Variants in MED12L observed in about 807,000 individuals in gnomAD.
MED12L encodes mediator complex subunit 12L, also known as mediator of RNA polymerase II transcription subunit 12-like protein.
In MED12L, 60 loss-of-function variants were observed where a neutral mutation model predicts 281.3. That is an observed-to-expected ratio of 0.21 (90% confidence interval 0.17 to 0.26). The LOEUF is 0.26. Ranked by LOEUF, MED12L falls within the 10% of genes least tolerant of loss-of-function variation. The probability of loss-of-function intolerance (pLI) is 1.00; values close to 1 mark genes in which losing one functional copy is unlikely to be tolerated. For synonymous variants in MED12L, 974 were observed against 987.2 expected, an observed-to-expected ratio of 0.99 and a Z score of 0.25; for missense variants, 2,146 against 2,680.9, an observed-to-expected ratio of 0.80 and a Z score of 4.41.
intron 16 of MED12L, chr3:151,336,480 T>C (rs1182339580): frequency 4.4e-6 from 2 of 456,062 alleles, no homozygotes; most frequent in South Asian, 3.1e-5. Flanking sequence ...CAATACACCC[T>C]TTTATTTCTT....
chr3:151,426,191 G>T (rs181707712), intron 43 of MED12L, among the ~76,000 whole-genome samples: 92 of 152,254 alleles, frequency 6.0e-4, no homozygotes, highest in Middle Eastern at 3.4e-3. Context: ...AACCACTTGG[G>T]GGAGCCATTT....
intron 18 of MED12L, 136 bp from the exon 19 acceptor site, chr3:151,355,760 A>G (rs1753840864): frequency 1.4e-5 from 9 of 658,124 alleles, no homozygotes; most frequent in South Asian, 1.1e-4. Context: ...TATAGTTTCT[A>G]TAGAAACACG....
chr3:151,406,644 G>T (rs12492266), intron 39 of MED12L, among the ~76,000 whole-genome samples: 44,482 of 152,052 alleles, frequency 0.29, 7,478 homozygotes, highest in Non-Finnish European at 0.38. Flanking sequence ...GGTGGAAAAT[G>T]TTAGGGTGTG....
chr3:151,296,290 C>T (rs1048400526), intron 16 of MED12L, among the ~76,000 whole-genome samples: 1 of 152,166 alleles, frequency 6.6e-6, no homozygotes, highest in Non-Finnish European at 1.5e-5. Context: ...TGAAATGGGT[C>T]ATGAGCATTT....
intron 16 of MED12L, among the ~76,000 whole-genome samples, chr3:151,286,320 A>C (rs1002326884): frequency 6.6e-6 from 1 of 152,220 alleles, no homozygotes; most frequent in Admixed American, 6.5e-5. Context: ...ATTAGGAAAG[A>C]TTTGTGATAG....
At chr3:151,378,416 T>G (rs1029076499) in intron 31 of MED12L, among the ~76,000 whole-genome samples, 1 of 152,198 alleles carries the variant, frequency 6.6e-6, no homozygotes, top group Admixed American at 6.5e-5. Context: ...TTAAAAACAG[T>G]GATTTCCGAG....
At chr3:151,335,895 C>A (rs149047030) in intron 16 of MED12L, among the ~76,000 whole-genome samples, 1 of 152,112 alleles carries the variant, frequency 6.6e-6, no homozygotes, top group Non-Finnish European at 1.5e-5. Flanking sequence ...TACTAAAATA[C>A]CATATTACTA....
At chr3:151,150,086 T>C (rs1237152036) in intron 5 of MED12L, among the ~76,000 whole-genome samples, 1 of 152,232 alleles carries the variant, frequency 6.6e-6, no homozygotes, top group Non-Finnish European at 1.5e-5. Flanking sequence ...GTGTTCTTAA[T>C]GGTATCTAGA....
At chr3:151,263,668 A>G (rs1359627572) in intron 16 of MED12L, among the ~76,000 whole-genome samples, 1 of 152,230 alleles carries the variant, frequency 6.6e-6, no homozygotes, top group African/African-American at 2.4e-5. Context: ...TTAATTTAAC[A>G]TGTTCAGTGA....
intron 39 of MED12L, among the ~76,000 whole-genome samples, chr3:151,407,170 G>C (rs1189326215): frequency 6.6e-6 from 1 of 152,146 alleles, no homozygotes; most frequent in Non-Finnish European, 1.5e-5. Flanking sequence ...CAATAGCTCA[G>C]ATATATACCT....
At position 151,380,228 on chromosome 3, in the gene MED12L, A is replaced by T; in HGVS notation, c.4590+4A>T. 6.5e-7 allele frequency: 1 copy of T among 1,546,602 alleles called. No homozygotes were observed. The highest frequency in any genetic ancestry group is 8.9e-7 in the Non-Finnish European group (1 of 1,126,546). On this transcript the variant is annotated splice_donor_region_variant and intron_variant, in intron 32 of 44. Coordinates refer to ENST00000687756, the MANE Select transcript of MED12L (RefSeq NM_001393769.1). ...TCTCCAGAATCAAGTTAACCAGGTA[A>T]AGTATAGTATAATATTAAGACAGGC...
At chr3:151,146,689 G>A (rs1304184233) in intron 5 of MED12L, among the ~76,000 whole-genome samples, 1 of 152,200 alleles carries the variant, frequency 6.6e-6, no homozygotes, top group African/African-American at 2.4e-5. Context: ...CAGGCACTCT[G>A]TATTTGTCCC....
intron 16 of MED12L, among the ~76,000 whole-genome samples, chr3:151,292,951 C>T (rs1179457540): frequency 6.6e-6 from 1 of 152,186 alleles, no homozygotes; most frequent in Admixed American, 6.5e-5. Flanking sequence ...GCGGTGATAG[C>T]TATGCAAATG....
rs113270592 is a variant in MED12L, at chr3:151,290,592, A to G, written c.2251-59467A>G. Reference sequence around the variant, plus strand: ...TAAGTTAATTTAGAAAGAACAGTCTATTTGTAGCATTTTCCCATGAAATTC... The same window carrying G: ...TAAGTTAATTTAGAAAGAACAGTCTGTTTGTAGCATTTTCCCATGAAATTC... On this transcript the variant is annotated intron_variant, in intron 16 of 44. Transcript: ENST00000687756. Among the ~76,000 whole-genome samples the G allele has an allele frequency of 3.3e-3, 494 of 150,710 alleles. 3 individuals are homozygous for G. The highest frequency in any genetic ancestry group is 0.011 in the African/African-American group (473 of 41,144).
rs773273458 is a variant in MED12L, at chr3:151,360,584, G to A, written c.2936G>A (p.Ser979Asn). 3.5e-5 allele frequency: 56 copies of A among 1,612,348 alleles called. No homozygotes were observed. Among genetic ancestry groups the A allele is most frequent in the Non-Finnish European group, 4.6e-5 (54 of 1,178,988 alleles). The change falls in exon 21 of 45, where the codon AGT becomes AAT. Residue 979 changes from serine to asparagine, a missense_variant. By Grantham distance (46) the Ser-to-Asn change is conservative. Around this residue, in one of 9 missense-constraint regions of MED12L, gnomAD observed 404 missense variants for 603.5 expected, o/e 0.67. Coordinates refer to ENST00000687756, the MANE Select transcript of MED12L (RefSeq NM_001393769.1). The stretch of plus-strand genomic sequence containing the variant: ...TATGTGTCATGTAGCCACCTCAGAA[G>A]TAAATTTGGAGACCTCTTCAGGTGA... ...DLYVSCSHLR[S>N]KFGDLFSSAC...
At chr3:151,425,836 A>T in intron 43 of MED12L, 1 of 437,684 alleles carries the variant, frequency 2.3e-6, no homozygotes, top group Non-Finnish European at 4.7e-6. Flanking sequence ...TCACTCTTTA[A>T]ATGCGTGAGG....
rs753778373 is a variant in MED12L, at chr3:151,387,987, C to T, written c.5266C>T (p.Arg1756Cys). Reference sequence around the variant, plus strand: ...TCACACACACCCCATGCCCAAGCCCCGCAGTTACTACCTCCAGCCACTGCC... The same window carrying T: ...TCACACACACCCCATGCCCAAGCCCTGCAGTTACTACCTCCAGCCACTGCC... ...LYHTHPMPKP[R>C]SYYLQPLPLP... Residue 1756 changes from arginine to cysteine, a missense_variant, in exon 37 of 45, where the codon CGC becomes TGC. By Grantham distance (180) the Arg-to-Cys change is radical. Around this residue, in one of 9 missense-constraint regions of MED12L, gnomAD observed 496 missense variants for 512.0 expected, o/e 0.97. Coordinates refer to ENST00000687756, the MANE Select transcript of MED12L (RefSeq NM_001393769.1). 6.8e-6 allele frequency: 11 copies of T among 1,614,006 alleles called. No individual in the cohort carries two copies. The highest frequency in any genetic ancestry group is 2.2e-5 in the South Asian group (2 of 91,066).
chr3:151,164,679 A>T (rs1455641717), intron 9 of MED12L, among the ~76,000 whole-genome samples: 1 of 152,172 alleles, frequency 6.6e-6, no homozygotes, highest in Non-Finnish European at 1.5e-5. Flanking sequence ...ATAAAAAATG[A>T]TGAGTTCATG....
At chr3:151,296,628 C>G (rs1279482006) in intron 16 of MED12L, among the ~76,000 whole-genome samples, 1 of 151,930 alleles carries the variant, frequency 6.6e-6, no homozygotes, top group Non-Finnish European at 1.5e-5. Context: ...GCTGTGCCAG[C>G]CTTCTGCTTG....
Sources: allele counts gnomAD v4.1 joint callset (sites outside exome capture counted in the v4.1 genomes callset), GRCh38; gene constraint gnomAD v4.1.1; regional missense constraint gnomAD v4.1.1; transcripts MANE v1.5; gene names NCBI Gene and HGNC (gene_info 2026-07-23, HGNC 2026-07-21).